The following SLC24A3 variants were observed in gnomAD, a reference collection of about 807,000 sequenced individuals.
SLC24A3 encodes sodium/potassium/calcium exchanger 3.
Under a neutral mutation model 75.8 loss-of-function variants are expected in SLC24A3, and 28 were observed. The observed-to-expected ratio is 0.37, with a 90% CI of 0.27 to 0.51. SLC24A3 has a LOEUF of 0.51. Ranked by LOEUF, SLC24A3 falls within the 20% of genes least tolerant of loss-of-function variation. SLC24A3 has a pLI of 0.94. For synonymous variants in SLC24A3, 372 were observed against 334.1 expected (o/e 1.11, Z -1.24); for missense variants, 663 against 847.8 (o/e 0.78, Z 2.71).
intron 2 of SLC24A3, among the ~76,000 whole-genome samples, chr20:19,356,311 A>G (rs1428833029): frequency 6.6e-6 from 1 of 152,222 alleles, no homozygotes; most frequent in African/African-American, 2.4e-5. Context: ...TCCCAAGGGC[A>G]ACTACTAACT....
chr20:19,634,412 T>C (rs574531264), intron 6 of SLC24A3, among the ~76,000 whole-genome samples: 1 of 152,132 alleles, frequency 6.6e-6, no homozygotes, highest in Non-Finnish European at 1.5e-5. Context: ...AACAAAGGGC[T>C]TTAAAATATA....
At chr20:19,576,391 G>T (rs1184399454) in intron 3 of SLC24A3, among the ~76,000 whole-genome samples, 3 of 152,054 alleles carry the variant, frequency 2.0e-5, no homozygotes, top group Non-Finnish European at 4.4e-5. Context: ...TGTTCTCTTT[G>T]CTTGTGCTGC....
chr20:19,456,064 T>G (rs563934437), intron 2 of SLC24A3, among the ~76,000 whole-genome samples: 233 of 152,254 alleles, frequency 1.5e-3, no homozygotes, highest in Non-Finnish European at 2.2e-3. Context: ...CAGTGAAATC[T>G]CCACAAGTCC....
intron 6 of SLC24A3, among the ~76,000 whole-genome samples, chr20:19,607,701 C>T (rs1014347924): frequency 1.3e-5 from 2 of 152,206 alleles, no homozygotes; most frequent in African/African-American, 4.8e-5. Context: ...AAGTCCACTG[C>T]ACCATACACT....
intron 6 of SLC24A3, among the ~76,000 whole-genome samples, chr20:19,623,545 C>T (rs928901637): frequency 2.6e-5 from 4 of 152,132 alleles, no homozygotes; most frequent in Non-Finnish European, 4.4e-5. Flanking sequence ...GAATGGTAAC[C>T]ACTAGCCACA....
intron 7 of SLC24A3, among the ~76,000 whole-genome samples, chr20:19,660,064 C>T (rs2032309331): frequency 6.6e-6 from 1 of 152,148 alleles, no homozygotes; most frequent in Admixed American, 6.5e-5. Context: ...TGACCCATCA[C>T]CCTCCCCTCC....
intron 6 of SLC24A3, among the ~76,000 whole-genome samples, chr20:19,618,828 C>T (rs970677285): frequency 6.6e-5 from 10 of 152,218 alleles, no homozygotes; most frequent in African/African-American, 1.9e-4. Context: ...AGGCATAGCC[C>T]TTTCATGCTT....
At chr20:19,450,306 T>G (rs779803552) in intron 2 of SLC24A3, among the ~76,000 whole-genome samples, 34 of 152,206 alleles carry the variant, frequency 2.2e-4, no homozygotes, top group Non-Finnish European at 4.4e-4. Flanking sequence ...TCATGTAGGA[T>G]GGGGTTGCAT....
At chr20:19,564,260 G>A (rs1010992634) in intron 3 of SLC24A3, among the ~76,000 whole-genome samples, 1 of 152,148 alleles carries the variant, frequency 6.6e-6, no homozygotes, top group African/African-American at 2.4e-5. Context: ...TAGAGGTCAC[G>A]GGCATTCTGA....
intron 2 of SLC24A3, among the ~76,000 whole-genome samples, chr20:19,347,716 C>A (rs1029139466): frequency 1.3e-5 from 2 of 152,146 alleles, no homozygotes; most frequent in African/African-American, 4.8e-5. Context: ...ATGGAAAATA[C>A]TGTGTTTGAG....
intron 2 of SLC24A3, among the ~76,000 whole-genome samples, chr20:19,375,522 G>T (rs932010929): frequency 2.0e-5 from 3 of 152,186 alleles, no homozygotes; most frequent in African/African-American, 7.2e-5. Context: ...TGGGAAGACA[G>T]ATTTGTCCCA....
At chr20:19,213,152 G>T in intron 1 of SLC24A3, 168 bp downstream of exon 1, 1 of 728,614 alleles carries the variant, frequency 1.4e-6, no homozygotes, top group Non-Finnish European at 1.8e-6. Context: ...CCTGCCCCAC[G>T]CAGAGGCATG....
chr20:19,625,575 T>G (rs2031856757), intron 6 of SLC24A3, among the ~76,000 whole-genome samples: 1 of 152,102 alleles, frequency 6.6e-6, no homozygotes, highest in South Asian at 2.1e-4. Context: ...ACTAAGAAAA[T>G]CCCCATGTAT....
chr20:19,630,870 C>G (rs2031924805), intron 6 of SLC24A3, among the ~76,000 whole-genome samples: 1 of 152,184 alleles, frequency 6.6e-6, no homozygotes, highest in East Asian at 1.9e-4. Context: ...ATGGATGGTG[C>G]TCTGAAAACA....
At chr20:19,518,973 G>C (rs1370365194) in intron 3 of SLC24A3, among the ~76,000 whole-genome samples, 1 of 152,182 alleles carries the variant, frequency 6.6e-6, no homozygotes. Flanking sequence ...GCCTTATCCA[G>C]GCAGGGGAGT....
intron 15 of SLC24A3, among the ~76,000 whole-genome samples, chr20:19,706,859 G>A (rs2032936340): frequency 6.6e-6 from 1 of 152,086 alleles, no homozygotes; most frequent in Admixed American, 6.5e-5. Context: ...GGATTAGGAT[G>A]GTTGTATCTG....
chr20:19,333,996 G>C (rs1985067329), intron 2 of SLC24A3, among the ~76,000 whole-genome samples: 1 of 151,518 alleles, frequency 6.6e-6, no homozygotes, highest in Non-Finnish European at 1.5e-5. Flanking sequence ...CATTTTCAAT[G>C]GTTAAAATGT....
rs533520201 is a variant in SLC24A3 at position 19,224,225 on chromosome 20, A to C, written c.142+11241A>C. Among the ~76,000 whole-genome samples the C allele has an allele frequency of 2.6e-5, 4 of 152,230 alleles. No individual in the cohort carries two copies. In the East Asian group the frequency reaches 7.7e-4, roughly 29 times the overall value. ...TTATCACATTCAAGATACTGTACAG[A>C]TCCAACACCACAAGGATCCCTTATG... On this transcript the variant is annotated intron_variant, in intron 1 of 16. Coordinates refer to ENST00000328041, the MANE Select transcript of SLC24A3 (RefSeq NM_020689.4).
chr20:19,560,511 T>A (rs2030858155), intron 3 of SLC24A3, among the ~76,000 whole-genome samples: 1 of 152,196 alleles, frequency 6.6e-6, no homozygotes, highest in African/African-American at 2.4e-5. Flanking sequence ...ACTGCCAGTG[T>A]ATCTTAAGTT....
Sources: gnomAD v4.1 joint callset for allele counts (sites outside exome capture counted in the v4.1 genomes callset) on GRCh38, gnomAD v4.1.1 for gene constraint, MANE v1.5 for transcripts, NCBI Gene and HGNC (gene_info 2026-07-23, HGNC 2026-07-21) for gene names.